CACNA2D4: variants seen among roughly 807,000 people sequenced by gnomAD.
CACNA2D4 encodes voltage-dependent calcium channel subunit alpha-2/delta-4.
In CACNA2D4, 157 loss-of-function variants were observed where a neutral mutation model predicts 163.8. The ratio of observed to expected loss-of-function variants is 0.96; its 90% CI spans 0.84 to 1.09. CACNA2D4 has a LOEUF of 1.09. CACNA2D4 is among the 50% of genes least tolerant of loss of function. The pLI is 0.00. For missense variants in CACNA2D4, 1,410 were observed against 1,479.9 expected (o/e 0.95, Z 0.78); for synonymous variants, 598 against 586.9 (o/e 1.02, Z -0.27).
intron 37 of CACNA2D4, among the ~76,000 whole-genome samples, chr12:1,794,591 A>C (rs537297205): frequency 6.6e-6 from 1 of 152,258 alleles, no homozygotes; most frequent in African/African-American, 2.4e-5. Flanking sequence ...GTGAGTTGTT[A>C]GCGTGGCTCA....
intron 18 of CACNA2D4, among the ~76,000 whole-genome samples, chr12:1,868,139 A>C (rs1207097094): frequency 6.6e-6 from 1 of 152,230 alleles, no homozygotes; most frequent in African/African-American, 2.4e-5. Context: ...AAAGGACATC[A>C]CCACCTCATA....
rs140392944 is a variant in CACNA2D4, at chr12:1,832,410, C to T, written c.2551+8329G>A. ...AGCACAAAGTGAGTCCTCAATAAAACGTCCATTTATCCGTTCACTTCCTGG... is the reference window on the plus strand; with the variant it reads ...AGCACAAAGTGAGTCCTCAATAAAATGTCCATTTATCCGTTCACTTCCTGG... On this transcript the variant is annotated intron_variant, in intron 26 of 37. Coordinates refer to ENST00000382722, the MANE Select transcript of CACNA2D4 (RefSeq NM_172364.5). Among the ~76,000 whole-genome samples, 10 of 152,318 alleles carry T rather than the reference C, an allele frequency of 6.6e-5. No individual in the cohort carries two copies. In the East Asian group the frequency reaches 1.2e-3, roughly 18 times the overall value.
chr12:1,800,773 G>C, intron 31 of CACNA2D4: 1 of 593,616 alleles, frequency 1.7e-6, no homozygotes, highest in East Asian at 2.8e-5. Context: ...GGCTGAGGCT[G>C]GGGCAGGCTG....
rs1430786843 is a variant in CACNA2D4 at position 1,795,330 on chromosome 12, C to A, written c.3278G>T (p.Arg1093Leu). 1 of 1,612,808 alleles carries A rather than the reference C, an allele frequency of 6.2e-7. No homozygotes were observed. The highest frequency in any genetic ancestry group is 8.5e-7 in the Non-Finnish European group (1 of 1,179,864). ...DRMRSQKLRR[R>L]PDSCHAFHPE... ...ATGGAAGGCGTGGCAGGAGTCTGGTCGCCGGCGGAGCTTCTGGGAGCGCAT... is the reference window on the plus strand; with the variant it reads ...ATGGAAGGCGTGGCAGGAGTCTGGTAGCCGGCGGAGCTTCTGGGAGCGCAT... Residue 1093 changes from arginine to leucine, a missense_variant, in exon 37 of 38, where the codon CGA becomes CTA. Arg to Leu is a moderately radical substitution (Grantham distance 102). Coordinates refer to ENST00000382722, the MANE Select transcript of CACNA2D4 (RefSeq NM_172364.5).
rs144812163 is a variant in CACNA2D4, at chr12:1,897,519, A to C, written c.781+9921T>G. Reference sequence around the variant, plus strand: ...TAAATGTGTACAAGTATTATGTATCAGTAAAAATAAGATGATGGCACATTC... The same window carrying C: ...TAAATGTGTACAAGTATTATGTATCCGTAAAAATAAGATGATGGCACATTC... On this transcript the variant is annotated intron_variant, in intron 6 of 37. Coordinates refer to ENST00000382722, the MANE Select transcript of CACNA2D4 (RefSeq NM_172364.5). Among the ~76,000 whole-genome samples, 1,054 of 152,348 alleles carry C rather than the reference A, an allele frequency of 6.9e-3. 17 individuals carry two copies. Among genetic ancestry groups the C allele is most frequent in the African/African-American group, 0.024 (1,002 of 41,592 alleles).
In CACNA2D4 at chr12:1,874,197, G is replaced by A. The variant is rs1340822590; in HGVS notation, c.1878+407C>T. ...GACAGTGGATGAAAATCAGCTGTAG[G>A]GAATAGTGAATATTTCAATCTCTTC... is the stretch of plus-strand genomic sequence containing the variant. On this transcript the variant is annotated intron_variant, in intron 18 of 37. Transcript: ENST00000382722. This position sits in a 1 kb window ranked among gnomAD's most constrained non-coding sequence, Gnocchi z 4.4. 2.0e-5 allele frequency among the ~76,000 whole-genome samples: 3 copies of A among 152,174 alleles called. No homozygotes were observed. Among genetic ancestry groups the A allele is most frequent in the African/African-American group, 7.2e-5 (3 of 41,434 alleles).
At chr12:1,900,852 A>T (rs1334195787) in intron 6 of CACNA2D4, among the ~76,000 whole-genome samples, 1 of 152,206 alleles carries the variant, frequency 6.6e-6, no homozygotes, top group African/African-American at 2.4e-5. Flanking sequence ...GGCCAAATAG[A>T]CTTAATTGAT....
chr12:1,832,292 G>GTC (rs1394845025), intron 26 of CACNA2D4, among the ~76,000 whole-genome samples: 2 of 152,198 alleles, frequency 1.3e-5, no homozygotes, highest in African/African-American at 4.8e-5. Flanking sequence ...GCAGGGCCTG[G>GTC]TCTGTAAAGT....
rs1414963762 is a variant in CACNA2D4, at chr12:1,875,304, T to C, written c.1753A>G (p.Asn585Asp). 3 of 1,613,896 alleles carry C rather than the reference T, an allele frequency of 1.9e-6. No homozygotes were observed. The highest frequency in any genetic ancestry group is 3.3e-5 in the Admixed American group (2 of 60,032). Residue 585 changes from asparagine (N) to aspartate (D), a missense_variant, in exon 17 of 38, where the codon AAC becomes GAC. Asn to Asp is a conservative substitution (Grantham distance 23). Coordinates refer to ENST00000382722, the MANE Select transcript of CACNA2D4 (RefSeq NM_172364.5). The surrounding 1 kb of genome is among the most constrained non-coding windows in gnomAD (Gnocchi z 4.0). ...TCGGAGAGATCCACACTGTTGTAGT[T>C]AGGTTTGGGTTTTAGTTTCTTCCCC... is the stretch of plus-strand genomic sequence containing the variant. ...REGKKLKPKP[N>D]YNSVDLSEVE...
At chr12:1,914,971 C>G in intron 1 of CACNA2D4, 36 bp from the exon 2 acceptor site, 1 of 1,432,176 alleles carries the variant, frequency 7.0e-7, no homozygotes. Flanking sequence ...TATACACACA[C>G]GTACACGCAC....
chr12:1,830,952 G>A (rs145065547), intron 26 of CACNA2D4: 36 of 1,606,262 alleles, frequency 2.2e-5, no homozygotes, highest in South Asian at 1.1e-4. Context: ...CTGCTGGATC[G>A]CCCTGTATGC....
chr12:1,901,536 A>C (rs1487698056), intron 6 of CACNA2D4, among the ~76,000 whole-genome samples: 1 of 152,136 alleles, frequency 6.6e-6, no homozygotes, highest in Non-Finnish European at 1.5e-5. Context: ...AGAAATTCAA[A>C]GGATCATTAG....
intron 27 of CACNA2D4, 121 bp downstream of exon 27, chr12:1,811,541 G>T: frequency 1.0e-6 from 1 of 1,002,688 alleles, no homozygotes; most frequent in Non-Finnish European, 1.5e-6. Flanking sequence ...AAGTGTAGGG[G>T]CCGGGAGGGC....
intron 20 of CACNA2D4, 147 bp downstream of exon 20, chr12:1,858,430 T>C (rs1865447439): frequency 4.5e-6 from 3 of 667,204 alleles, no homozygotes; most frequent in South Asian, 3.7e-5. Context: ...CCTCTCCACC[T>C]GGCAGCATTG....
At chr12:1,846,572 C>T (rs1404385875) in intron 24 of CACNA2D4, 22 bp downstream of exon 24, 20 of 1,561,164 alleles carry the variant, frequency 1.3e-5, no homozygotes, top group East Asian at 2.4e-5. Context: ...ATTGCCCTCC[C>T]GAGGTGGCCG....
At chr12:1,915,696 G>C (rs1466231161) in intron 1 of CACNA2D4, among the ~76,000 whole-genome samples, 4 of 152,218 alleles carry the variant, frequency 2.6e-5, no homozygotes, top group Non-Finnish European at 5.9e-5. Context: ...CTAGTGGGGA[G>C]CCCCGACCTC....
At chr12:1,835,500 C>G (rs865943221) in intron 26 of CACNA2D4, 1 of 152,570 alleles carries the variant, frequency 6.6e-6, no homozygotes, top group Non-Finnish European at 1.5e-5. Context: ...GAGACATGCT[C>G]TTCCCCAGGG....
rs532596130 is a variant in CACNA2D4 at position 1,799,713 on chromosome 12, C to T, written c.2975-18G>A. 1.9e-6 allele frequency: 3 copies of T among 1,568,424 alleles called. No individual in the cohort carries two copies. The highest frequency in any genetic ancestry group is 2.7e-5 in the African/African-American group (2 of 73,776). Reference sequence around the variant, plus strand: ...ACTTTTGGCTGGCCGGAACATAAGCCCAGCACAGGGTGGACACGGCACAGG... The same window carrying T: ...ACTTTTGGCTGGCCGGAACATAAGCTCAGCACAGGGTGGACACGGCACAGG... On this transcript the variant is annotated intron_variant, in intron 33 of 37. Transcript: ENST00000382722. This position sits in a 1 kb window ranked among gnomAD's most constrained non-coding sequence, Gnocchi z 4.7.
chr12:1,914,897 T>C lies in CACNA2D4; in HGVS notation c.266A>G (p.Tyr89Cys), dbSNP rs1866926387. 1 of 1,613,756 alleles carries C rather than the reference T, an allele frequency of 6.2e-7. No homozygotes were observed. Among genetic ancestry groups the C allele is most frequent in the South Asian group, 1.1e-5 (1 of 91,080 alleles). Residue 89 changes from tyrosine (Y) to cysteine (C), a missense_variant, in exon 2 of 38, where the codon TAT becomes TGT. Physicochemically the swap from Tyr to Cys is radical, Grantham distance 194. Transcript: ENST00000382722. ...LWADTFGGDL[Y>C]NTVTKYSGSL... ...GCCTGAGTATTTGGTCACAGTGTTA[T>C]ACAGGTCCCCGCCGAAGGTGTCAGC...
Sources: allele counts gnomAD v4.1 joint callset (sites outside exome capture counted in the v4.1 genomes callset), GRCh38; gene constraint gnomAD v4.1.1; non-coding constraint Gnocchi (gnomAD v3.1); transcripts MANE v1.5; gene names NCBI Gene and HGNC (gene_info 2026-07-23, HGNC 2026-07-21).